Variants in COL4A4 observed in about 807,000 individuals in gnomAD.
COL4A4 encodes collagen alpha-4(IV) chain.
In COL4A4, 105 loss-of-function variants were observed where a neutral mutation model predicts 192.9. That is an observed-to-expected ratio of 0.54 (90% CI 0.46 to 0.64). COL4A4 has a LOEUF of 0.64. Ranked by LOEUF, COL4A4 falls within the 30% of genes least tolerant of loss-of-function variation. The pLI, the probability that COL4A4 is intolerant of heterozygous loss-of-function variation, is 0.00. For synonymous variants in COL4A4, 762 were observed against 769.9 expected, an observed-to-expected ratio of 0.99 and a Z score of 0.17; for missense variants, 1,967 against 2,169.3, an observed-to-expected ratio of 0.91 and a Z score of 1.85.
At position 227,057,513 on chromosome 2, in the gene COL4A4, G is replaced by T; in HGVS notation, c.2471C>A (p.Pro824His). ...AGCACCTCTTTCACAGGAATGGCCAGGTGGACCTGGGACACCTGGAAACCC... is the reference window on the plus strand; with the variant it reads ...AGCACCTCTTTCACAGGAATGGCCATGTGGACCTGGGACACCTGGAAACCC... Reference protein sequence around the residue: ...HAGFPGVPGPPGHSCERGAPG... With the variant: ...HAGFPGVPGPHGHSCERGAPG... The change falls in exon 29 of 48, where the codon CCT becomes CAT. Residue 824 changes from proline to histidine, a missense_variant. Pro to His is a moderately conservative substitution (Grantham distance 77). Coordinates refer to ENST00000396625, the MANE Select transcript of COL4A4 (RefSeq NM_000092.5). 6.2e-7 allele frequency: 1 copy of T among 1,613,706 alleles called. No homozygotes were observed. Among genetic ancestry groups the T allele is most frequent in the Non-Finnish European group, 8.5e-7 (1 of 1,179,902 alleles).
the COL4A4 span, among the ~76,000 whole-genome samples, chr2:226,986,370 G>A: frequency 2.0e-5 from 3 of 152,216 alleles, no homozygotes; most frequent in African/African-American, 4.8e-5. Flanking sequence ...TCTTAGTTTC[G>A]ACAAATGTAC....
chr2:227,161,431 C>A (rs2064824691), intron 1 of COL4A4, among the ~76,000 whole-genome samples: 1 of 152,116 alleles, frequency 6.6e-6, no homozygotes, highest in Non-Finnish European at 1.5e-5. Flanking sequence ...CGAAAAGAAC[C>A]ATCCTCCTTT....
the COL4A4 span, among the ~76,000 whole-genome samples, chr2:226,973,353 G>C: frequency 6.6e-6 from 1 of 152,196 alleles, no homozygotes; most frequent in African/African-American, 2.4e-5. Flanking sequence ...TAGAGATGCT[G>C]GTGACCAAGA....
chr2:227,046,913 A>G (rs115175174), intron 35 of COL4A4, among the ~76,000 whole-genome samples: 1 of 152,060 alleles, frequency 6.6e-6, no homozygotes, highest in Admixed American at 6.6e-5. Flanking sequence ...GAGAAGCAAA[A>G]TACTGTTTAA....
intron 1 of COL4A4, among the ~76,000 whole-genome samples, chr2:227,150,436 T>C (rs2063849369): frequency 6.6e-6 from 1 of 152,156 alleles, no homozygotes; most frequent in Non-Finnish European, 1.5e-5. Flanking sequence ...TTCTCCCTAG[T>C]GACACTCCAG....
intron 12 of COL4A4, among the ~76,000 whole-genome samples, chr2:227,108,292 A>T (rs1348670885): frequency 1.3e-5 from 2 of 152,212 alleles, no homozygotes; most frequent in East Asian, 3.8e-4. Context: ...CCGTGATTTG[A>T]CAAAGCTGTT....
At chr2:227,148,544 CACA>C (rs1337252794) in intron 1 of COL4A4, among the ~76,000 whole-genome samples, 1 of 151,970 alleles carries the variant, frequency 6.6e-6, no homozygotes, top group Non-Finnish European at 1.5e-5. Context: ...GTTATGGCTG[CACA>C]ACATTATGAA....
chr2:226,990,821 G>A, the COL4A4 span, among the ~76,000 whole-genome samples: 1 of 152,158 alleles, frequency 6.6e-6, no homozygotes, highest in African/African-American at 2.4e-5. Flanking sequence ...GCTTCTTTGA[G>A]TAAAATTGAG....
At chr2:227,133,848 G>A (rs781373858) in intron 4 of COL4A4, among the ~76,000 whole-genome samples, 1 of 150,848 alleles carries the variant, frequency 6.6e-6, no homozygotes, top group East Asian at 1.9e-4. Context: ...CCAAGATAGC[G>A]CCACGACACT....
chr2:227,089,611 A>ATATATG (rs1491267361), intron 21 of COL4A4, among the ~76,000 whole-genome samples: 1 of 119,652 alleles, frequency 8.4e-6, no homozygotes, highest in African/African-American at 4.3e-5. Context: ...ATATATATAC[A>ATATATG]TACATATATA....
rs1971317997 is a variant in COL4A4, at chr2:227,041,849, AGAAAG to A, written c.3505+294_3505+298del. Among the ~76,000 whole-genome samples the A allele has an allele frequency of 1.0e-4, 3 of 29,974 alleles. 1 individual carries two copies. The highest frequency in any genetic ancestry group is 1.2e-4 in the Non-Finnish European group (2 of 16,818). The allele number at this position is 29,974 out of a possible 152,430, so 19.7% of individuals were successfully genotyped here. On this transcript the variant is annotated intron_variant, in intron 37 of 47. Transcript: ENST00000396625. ...GAAAGAAAGAAAGAAAGAAAGAAAG[AGAAAG>A]AAAGAAAGAAAGAAAGAAAGAAAGA...
At position 227,032,163 on chromosome 2, in the gene COL4A4, G is replaced by A; in HGVS notation, c.3691C>T (p.Pro1231Ser). The change falls in exon 39 of 48, where the codon CCC (proline) becomes TCC (serine). Residue 1231 changes from proline to serine, a missense_variant. Physicochemically the swap from Pro to Ser is moderately conservative, Grantham distance 74. Transcript: ENST00000396625. ...SPPGPRGKKGPPGPPGSSGPP... is the reference protein window; with the variant it reads ...SPPGPRGKKGSPGPPGSSGPP... ...TACAGCTTACCTGGGGGTCCTGGGGGACCTTTCTTTCCACGAGGACCTGGA... is the reference window on the plus strand; with the variant it reads ...TACAGCTTACCTGGGGGTCCTGGGGAACCTTTCTTTCCACGAGGACCTGGA... 6.2e-7 allele frequency: 1 copy of A among 1,614,156 alleles called. No homozygotes were observed. The highest frequency in any genetic ancestry group is 8.5e-7 in the Non-Finnish European group (1 of 1,180,008).
At chr2:227,028,201 G>A (rs1967420203) in intron 41 of COL4A4, among the ~76,000 whole-genome samples, 192 bp from the exon 42 acceptor site, 1 of 152,140 alleles carries the variant, frequency 6.6e-6, no homozygotes, top group South Asian at 2.1e-4. Flanking sequence ...CACATGATCG[G>A]CCGAAAGAAC....
chr2:227,147,866 A>G (rs1476779360), intron 1 of COL4A4, among the ~76,000 whole-genome samples: 1 of 149,658 alleles, frequency 6.7e-6, no homozygotes, highest in Non-Finnish European at 1.5e-5. Flanking sequence ...ATTTTTATAT[A>G]TGTATAAATA....
At chr2:226,974,822 T>C in the COL4A4 span, among the ~76,000 whole-genome samples, 10 of 152,228 alleles carry the variant, frequency 6.6e-5, no homozygotes, top group East Asian at 1.9e-3. Context: ...CACGGTGTCA[T>C]CGTATAATTG....
rs187713159 is a variant in COL4A4 at position 227,146,063 on chromosome 2, A to G, written c.71+1350T>C. On this transcript the variant is annotated intron_variant, in intron 2 of 47. Coordinates refer to ENST00000396625, the MANE Select transcript of COL4A4 (RefSeq NM_000092.5). ...TTTATAGCAATTGTCGCTTTTCTCT[A>G]TATAATCTCATCAAGGATTGTAGGC... Among the ~76,000 whole-genome samples, 61 of 152,318 alleles carry G rather than the reference A, an allele frequency of 4.0e-4. 1 individual carries two copies. In the East Asian group the frequency reaches 0.011, roughly 28 times the overall value.
At chr2:227,085,683 T>C (rs915906876) in intron 22 of COL4A4, among the ~76,000 whole-genome samples, 2 of 151,962 alleles carry the variant, frequency 1.3e-5, no homozygotes, top group African/African-American at 4.8e-5. Context: ...AACAACCAGA[T>C]CTCCTGTGAA....
chr2:227,041,852 A>AGAGAG (rs1971334980), intron 37 of COL4A4, among the ~76,000 whole-genome samples: 12 of 71,392 alleles, frequency 1.7e-4, no homozygotes, highest in African/African-American at 4.1e-4. Context: ...AAGAAAGAGA[A>AGAGAG]AGAAAGAAAG....
intron 44 of COL4A4, among the ~76,000 whole-genome samples, chr2:227,014,892 C>CTTTTTTTT (rs1179125792): frequency 9.4e-6 from 1 of 106,586 alleles, no homozygotes. Flanking sequence ...CCATGCCTGG[C>CTTTTTTTT]TTTTTTTTTT....
Sources: gnomAD v4.1 joint callset for allele counts (sites outside exome capture counted in the v4.1 genomes callset) on GRCh38, gnomAD v4.1.1 for gene constraint, MANE v1.5 for transcripts, NCBI Gene and HGNC (gene_info 2026-07-23, HGNC 2026-07-21) for gene names.